SENP7: variants seen among roughly 807,000 people sequenced by gnomAD.
The protein encoded by SENP7 is SUMO specific peptidase 7.
In SENP7, 64 loss-of-function variants were observed where a neutral mutation model predicts 141.2. The observed-to-expected ratio is 0.45, with a 90% confidence interval of 0.37 to 0.56. The LOEUF (loss-of-function observed/expected upper bound fraction) is 0.56. Among genes scored for constraint, SENP7 ranks in the 20% least tolerant of loss-of-function variants. The pLI, the probability that SENP7 is intolerant of heterozygous loss-of-function variation, is 0.00. For synonymous variants in SENP7, 382 were observed against 426.4 expected, an observed-to-expected ratio of 0.90 and a Z score of 1.28; for missense variants, 1,025 against 1,212.2, an observed-to-expected ratio of 0.85 and a Z score of 2.29.
chr3:101,355,544 C>T (rs1025405094), intron 11 of SENP7, among the ~76,000 whole-genome samples: 11 of 152,034 alleles, frequency 7.2e-5, no homozygotes, highest in African/African-American at 2.7e-4. Flanking sequence ...TATTTCCAGG[C>T]TCTATATTCT....
intron 11 of SENP7, chr3:101,357,248 A>C (rs1425114483): frequency 2.3e-6 from 1 of 426,632 alleles, no homozygotes; most frequent in Admixed American, 3.1e-5. Context: ...TGATCCACCT[A>C]CCTCAGCCTC....
Position 101,417,809 on chromosome 3 carries a change from A to C in SENP7, c.285-19T>G. 2 of 1,546,310 alleles carry C rather than the reference A, an allele frequency of 1.3e-6. No individual in the cohort carries two copies. The highest frequency in any genetic ancestry group is 1.8e-6 in the Non-Finnish European group (2 of 1,118,396). ...GAGTTGCCTGTTATACACATAAATA[A>C]TTAGTATATATGGTACTACACATTG... On this transcript the variant is annotated intron_variant, in intron 4 of 23. Transcript: ENST00000394095.
rs148672456 is a variant in SENP7, at chr3:101,482,291, C to T, written c.186+11582G>A. On this transcript the variant is annotated intron_variant, in intron 3 of 23. Transcript: ENST00000394095. ...TTGCACCACTGCACTCCAGCCTGGG[C>T]GACAGAGCGAGACTCTGTCTCAACA... 5.0e-3 allele frequency among the ~76,000 whole-genome samples: 740 copies of T among 147,662 alleles called. 5 individuals carry two copies. Among genetic ancestry groups the T allele is most frequent in the African/African-American group, 0.018 (703 of 39,874 alleles).
chr3:101,447,232 A>G (rs575081609), intron 4 of SENP7, among the ~76,000 whole-genome samples: 22 of 152,206 alleles, frequency 1.4e-4, no homozygotes, highest in African/African-American at 3.9e-4. Flanking sequence ...ATTGCTTGAG[A>G]CCAGGTGTTC....
At chr3:101,374,193 A>G (rs1419163268) in intron 6 of SENP7, among the ~76,000 whole-genome samples, 2 of 152,192 alleles carry the variant, frequency 1.3e-5, no homozygotes, top group African/African-American at 4.8e-5. Context: ...TGCTGAAACC[A>G]TTCAATAGGG....
At chr3:101,466,533 T>A (rs999523356) in intron 3 of SENP7, among the ~76,000 whole-genome samples, 11 of 152,058 alleles carry the variant, frequency 7.2e-5, no homozygotes, top group Non-Finnish European at 1.5e-4. Flanking sequence ...ACAAATAACA[T>A]CTTTCCCAGA....
intron 19 of SENP7, among the ~76,000 whole-genome samples, chr3:101,331,527 T>A (rs907908990): frequency 9.7e-5 from 14 of 144,988 alleles, no homozygotes; most frequent in Non-Finnish European, 2.1e-4. Flanking sequence ...TATCTGTCAA[T>A]TTTTTTAAGT....
chr3:101,443,627 G>A (rs1463617370), intron 4 of SENP7, among the ~76,000 whole-genome samples: 1 of 151,324 alleles, frequency 6.6e-6, no homozygotes, highest in Non-Finnish European at 1.5e-5. Context: ...TTATTTCATT[G>A]AGCAGTGGTT....
intron 12 of SENP7, 82 bp from the exon 13 acceptor site, chr3:101,348,133 TAC>T (rs1437631413): frequency 3.6e-6 from 3 of 839,962 alleles, no homozygotes; most frequent in Middle Eastern, 3.6e-4. Flanking sequence ...CACTTGTTAA[TAC>T]ACTACTTTTT....
In SENP7 at chr3:101,438,956, C is replaced by T. The variant is rs188651240; in HGVS notation, c.284+19999G>A. ...TTGCAGCCTCTGCCCGGTGCCACCC[C>T]GTCTGGGAAGTGAGGAGTGTCTCTG... On this transcript the variant is annotated intron_variant, in intron 4 of 23. Coordinates refer to ENST00000394095, the MANE Select transcript of SENP7 (RefSeq NM_020654.5). Among the ~76,000 whole-genome samples the T allele has an allele frequency of 6.5e-3, 912 of 141,090 alleles. 15 individuals carry two copies. Among genetic ancestry groups the T allele is most frequent in the African/African-American group, 0.022 (879 of 39,220 alleles). 92.6% of individuals were successfully genotyped at this position (141,090 alleles called of 152,430 possible). A position where few individuals can be genotyped will look rare whatever the true frequency, so the allele number is the denominator to read the frequency against.
intron 4 of SENP7, among the ~76,000 whole-genome samples, chr3:101,446,359 T>G (rs1455816538): frequency 6.6e-6 from 1 of 152,168 alleles, no homozygotes. Context: ...CTTTGAACAC[T>G]AAACAGATCA....
chr3:101,408,316 C>A (rs1284175359), intron 5 of SENP7, among the ~76,000 whole-genome samples: 1 of 151,944 alleles, frequency 6.6e-6, no homozygotes, highest in Middle Eastern at 3.2e-3. Context: ...AAAAAAAGCC[C>A]AGGACCAGAC....
chr3:101,426,545 T>G (rs1483903719), intron 4 of SENP7, among the ~76,000 whole-genome samples: 1 of 151,688 alleles, frequency 6.6e-6, no homozygotes, highest in Non-Finnish European at 1.5e-5. Context: ...AGTGGCACCA[T>G]CTTGACTCAC....
At chr3:101,344,760 A>G (rs2059411436) in intron 13 of SENP7, among the ~76,000 whole-genome samples, 1 of 152,124 alleles carries the variant, frequency 6.6e-6, no homozygotes, top group African/African-American at 2.4e-5. Flanking sequence ...TTAGAAACTA[A>G]AGACTGAAGG....
Position 101,332,059 on chromosome 3 carries a change from A to G in SENP7, c.2624T>C (p.Val875Ala). The G allele has an allele frequency of 1.9e-6, 3 of 1,613,458 alleles. No homozygotes were observed. Among genetic ancestry groups the G allele is most frequent in the Non-Finnish European group, 2.5e-6 (3 of 1,179,614 alleles). Reference protein sequence around the residue: ...VICFPWLEEAVYEDFPQTVSQ... With the variant: ...VICFPWLEEAAYEDFPQTVSQ... The stretch of plus-strand genomic sequence containing the variant: ...TACAGTTTGTGGAAAATCTTCATAC[A>G]CAGCTTCTTCTAACCATGGAAAACA... The change falls in exon 19 of 24, where the codon GTG becomes GCG. Residue 875 changes from valine (V) to alanine (A), a missense_variant. This residue lies in a region of SENP7 where 295 missense variants were observed against 459.1 expected (regional missense o/e 0.64). Transcript: ENST00000394095.
intron 4 of SENP7, among the ~76,000 whole-genome samples, chr3:101,424,196 G>T (rs2061878422): frequency 6.6e-6 from 1 of 152,094 alleles, no homozygotes; most frequent in African/African-American, 2.4e-5. Context: ...CTGGGGTCCT[G>T]TATCACTGGG....
At chr3:101,391,357 A>G (rs888189206) in intron 6 of SENP7, among the ~76,000 whole-genome samples, 2 of 151,938 alleles carry the variant, frequency 1.3e-5, no homozygotes, top group Admixed American at 1.3e-4. Context: ...TAAAAAAAAA[A>G]ACAAGAAAGA....
chr3:101,490,287 A>G (rs560804901), intron 3 of SENP7, among the ~76,000 whole-genome samples: 12 of 152,312 alleles, frequency 7.9e-5, no homozygotes, highest in Middle Eastern at 3.4e-3. Context: ...AATATTACAT[A>G]GCAATAAAAA....
At chr3:101,403,876 G>C (rs1266319474) in intron 5 of SENP7, among the ~76,000 whole-genome samples, 2 of 152,092 alleles carry the variant, frequency 1.3e-5, no homozygotes, top group African/African-American at 4.8e-5. Context: ...GGAGGTGAAA[G>C]ATCTCTATAA....
Sources: gnomAD v4.1 joint callset for allele counts (sites outside exome capture counted in the v4.1 genomes callset) on GRCh38, gnomAD v4.1.1 for gene constraint, gnomAD v4.1.1 regional missense constraint, MANE v1.5 for transcripts, NCBI Gene and HGNC (gene_info 2026-07-23, HGNC 2026-07-21) for gene names.